Variants in PTPRD observed in about 807,000 individuals in gnomAD.
PTPRD encodes the protein receptor-type tyrosine-protein phosphatase delta.
Under a neutral mutation model 214.5 loss-of-function variants are expected in PTPRD, and 34 were observed. That is an observed-to-expected ratio of 0.16 (90% confidence interval 0.12 to 0.21). The LOEUF is 0.21. Ranked by LOEUF, PTPRD falls within the 10% of genes least tolerant of loss-of-function variation. The pLI is 1.00. For synonymous variants in PTPRD, 1,128 were observed against 845.7 expected (o/e 1.33, Z -5.79); for missense variants, 2,545 against 2,398.7 (o/e 1.06, Z -1.27).
At chr9:10,233,578 C>T (rs1051648396) in intron 3 of PTPRD, among the ~76,000 whole-genome samples, 1 of 151,696 alleles carries the variant, frequency 6.6e-6, no homozygotes. Context: ...ATGAGCAATA[C>T]CAAGAAATGA....
chr9:9,471,192 T>A (rs1170580779), intron 8 of PTPRD, among the ~76,000 whole-genome samples: 1 of 152,200 alleles, frequency 6.6e-6, no homozygotes, highest in African/African-American at 2.4e-5. Flanking sequence ...TAATTCACAA[T>A]TTGACTACAT....
At chr9:8,931,737 T>C (rs1237982456) in intron 11 of PTPRD, among the ~76,000 whole-genome samples, 1 of 152,168 alleles carries the variant, frequency 6.6e-6, no homozygotes, top group Non-Finnish European at 1.5e-5. Context: ...TCAGAAGGAA[T>C]GTTACCAGCT....
chr9:8,735,226 C>G (rs146308571), intron 11 of PTPRD, among the ~76,000 whole-genome samples: 3 of 146,588 alleles, frequency 2.0e-5, no homozygotes, highest in Non-Finnish European at 4.5e-5. Context: ...TCACTGCAAA[C>G]GCTGCTTCCC....
chr9:9,301,349 G>A (rs1324946074), intron 9 of PTPRD, among the ~76,000 whole-genome samples: 1 of 151,768 alleles, frequency 6.6e-6, no homozygotes, highest in Non-Finnish European at 1.5e-5. Flanking sequence ...TAATAAGGTA[G>A]TTTACCTGTA....
chr9:9,128,796 C>T (rs977620143), intron 10 of PTPRD, among the ~76,000 whole-genome samples: 2 of 152,064 alleles, frequency 1.3e-5, no homozygotes, highest in Non-Finnish European at 2.9e-5. Flanking sequence ...GCTAACGCTG[C>T]CCACAGCAGA....
rs576983854 is a variant in PTPRD at position 10,241,011 on chromosome 9, A to T, written c.-545+99952T>A. Among the ~76,000 whole-genome samples, 104 of 115,250 alleles carry T rather than the reference A, an allele frequency of 9.0e-4. 1 individual carries two copies. The highest frequency in any genetic ancestry group is 1.9e-4 in the Non-Finnish European group (9 of 48,384). 75.6% of individuals were successfully genotyped at this position (115,250 alleles called of 152,430 possible). A position where few individuals can be genotyped will look rare whatever the true frequency, so the allele number is the denominator to read the frequency against. ...AATTTGAAAGAAAGATATAAATACCAGAGTAGAAAAAAAAAAATGACAAAA... is the reference window on the plus strand; with the variant it reads ...AATTTGAAAGAAAGATATAAATACCTGAGTAGAAAAAAAAAAATGACAAAA... On this transcript the variant is annotated intron_variant, in intron 3 of 45. Transcript: ENST00000381196.
At chr9:8,991,354 A>G (rs1682035326) in intron 11 of PTPRD, among the ~76,000 whole-genome samples, 1 of 152,092 alleles carries the variant, frequency 6.6e-6, no homozygotes, top group Admixed American at 6.6e-5. Context: ...ATCTTTTGTT[A>G]TAGGAGTGTC....
intron 8 of PTPRD, among the ~76,000 whole-genome samples, chr9:9,461,624 C>T (rs2093662930): frequency 2.0e-5 from 3 of 152,040 alleles, no homozygotes; most frequent in Admixed American, 2.0e-4. Flanking sequence ...GGAAAATGCC[C>T]ATATACTCAT....
intron 2 of PTPRD, among the ~76,000 whole-genome samples, chr9:10,471,537 T>C (rs1023535486): frequency 6.6e-6 from 1 of 152,120 alleles, no homozygotes; most frequent in Admixed American, 6.6e-5. Context: ...TGTACCTGTT[T>C]CTTATTTTCT....
intron 12 of PTPRD, among the ~76,000 whole-genome samples, chr9:8,657,456 A>G (rs1436382844): frequency 2.0e-5 from 3 of 152,020 alleles, no homozygotes; most frequent in Non-Finnish European, 4.4e-5. Context: ...GGCGTGAGCC[A>G]CCGTGCCCGG....
intron 12 of PTPRD, among the ~76,000 whole-genome samples, chr9:8,666,720 C>T (rs140535707): frequency 2.0e-5 from 3 of 152,176 alleles, no homozygotes; most frequent in African/African-American, 7.2e-5. Flanking sequence ...ATTATTTCTA[C>T]ATCCCAGTAG....
intron 3 of PTPRD, among the ~76,000 whole-genome samples, chr9:10,123,655 T>G (rs577264532): frequency 3.3e-5 from 5 of 152,226 alleles, no homozygotes; most frequent in African/African-American, 1.2e-4. Flanking sequence ...CGTGGGCAGA[T>G]CAATAAAAGA....
intron 12 of PTPRD, among the ~76,000 whole-genome samples, chr9:8,689,980 T>G (rs142473947): frequency 0.099 from 14,984 of 151,814 alleles, 997 homozygotes; most frequent in South Asian, 0.15. Flanking sequence ...CAGTGGCATG[T>G]GCCTGTAGTC....
rs146691738 is a variant in PTPRD, at chr9:8,632,121, TTGTG to T, written c.352+1192_352+1195del. ...TTTCTCAGCCTCTTGAATTGCTTCT[TTGTG>T]TGTGTGTGTGTGTGTGTGTGTGTCT... is the stretch of plus-strand genomic sequence containing the variant. On this transcript the variant is annotated intron_variant, in intron 14 of 45. Coordinates refer to ENST00000381196, the MANE Select transcript of PTPRD (RefSeq NM_002839.4). Among the ~76,000 whole-genome samples the T allele has an allele frequency of 1.8e-3, 256 of 144,680 alleles. 1 individual carries two copies. The highest frequency in any genetic ancestry group is 2.4e-3 in the Admixed American group (35 of 14,374). 94.9% of individuals were successfully genotyped at this position (144,680 alleles called of 152,430 possible).
intron 5 of PTPRD, among the ~76,000 whole-genome samples, chr9:9,820,369 A>G (rs1018280689): frequency 6.6e-6 from 1 of 152,058 alleles, no homozygotes; most frequent in African/African-American, 2.4e-5. Context: ...AGTTCCTTGT[A>G]GATTGTGAAT....
At chr9:9,996,214 G>A (rs997673396) in intron 4 of PTPRD, among the ~76,000 whole-genome samples, 1 of 152,158 alleles carries the variant, frequency 6.6e-6, no homozygotes, top group African/African-American at 2.4e-5. Context: ...CTACTATGGT[G>A]TTAGTTCATA....
At chr9:8,363,083 G>C (rs6477297) in intron 39 of PTPRD, among the ~76,000 whole-genome samples, 9,945 of 152,198 alleles carry the variant, frequency 0.065, 1,108 homozygotes, top group African/African-American at 0.23. Flanking sequence ...GTAAAACATA[G>C]ATTATATCTG....
At chr9:8,884,526 C>T (rs1036996711) in intron 11 of PTPRD, among the ~76,000 whole-genome samples, 2 of 152,122 alleles carry the variant, frequency 1.3e-5, no homozygotes, top group African/African-American at 4.8e-5. Flanking sequence ...GTGGAGGCCT[C>T]AACATAGCAG....
At chr9:8,569,326 G>C (rs562251719) in intron 14 of PTPRD, among the ~76,000 whole-genome samples, 2 of 152,094 alleles carry the variant, frequency 1.3e-5, no homozygotes, top group African/African-American at 2.4e-5. Flanking sequence ...ATCATATCAG[G>C]CAGGCAATCA....
Sources: gnomAD v4.1 joint callset for allele counts (sites outside exome capture counted in the v4.1 genomes callset) on GRCh38, gnomAD v4.1.1 for gene constraint, MANE v1.5 for transcripts, NCBI Gene and HGNC (gene_info 2026-07-23, HGNC 2026-07-21) for gene names.